ARID5B: variants seen among roughly 807,000 people sequenced by gnomAD.
The protein encoded by ARID5B is AT-rich interaction domain 5B.
Under a neutral mutation model 97.2 loss-of-function variants are expected in ARID5B, and 13 were observed. That is an observed-to-expected ratio of 0.13 (90% confidence interval 0.09 to 0.21). The LOEUF (loss-of-function observed/expected upper bound fraction) is 0.21, where lower values mean the gene tolerates loss of function less well. ARID5B is among the 10% of genes least tolerant of loss of function. ARID5B has a pLI of 1.00. For synonymous variants in ARID5B, 556 were observed against 570.3 expected (o/e 0.97, Z 0.36); for missense variants, 1,210 against 1,465.3 (o/e 0.83, Z 2.84).
intron 3 of ARID5B, among the ~76,000 whole-genome samples, chr10:61,952,187 C>A (rs1838332682): frequency 6.6e-6 from 1 of 152,152 alleles, no homozygotes; most frequent in South Asian, 2.1e-4. Context: ...TGTACTCAGT[C>A]CCCTGCCTTC....
intron 3 of ARID5B, among the ~76,000 whole-genome samples, chr10:61,951,466 A>G (rs1244799342): frequency 6.6e-6 from 1 of 152,200 alleles, no homozygotes; most frequent in Admixed American, 6.5e-5. Flanking sequence ...TTCTGACCTT[A>G]AATATTGGCA....
chr10:61,998,926 C>A (rs190331057), intron 3 of ARID5B, among the ~76,000 whole-genome samples: 104 of 152,314 alleles, frequency 6.8e-4, no homozygotes, highest in African/African-American at 2.4e-3. Context: ...TTTGGATCAA[C>A]CAGGGGTTCT....
Position 61,958,764 on chromosome 10 carries a change from C to G in ARID5B, c.502+18356C>G, listed in dbSNP as rs143217087. 6.1e-3 allele frequency among the ~76,000 whole-genome samples: 924 copies of G among 152,272 alleles called. 6 individuals are homozygous for G. Among genetic ancestry groups the G allele is most frequent in the Non-Finnish European group, 9.9e-3 (673 of 68,010 alleles). On this transcript the variant is annotated intron_variant, in intron 3 of 9. Transcript: ENST00000279873. ...CCCTGTGCTTGATGTTAAATACTGACCTTTTTGTTGTCTCCGATAAGTGCA... is the reference window on the plus strand; with the variant it reads ...CCCTGTGCTTGATGTTAAATACTGAGCTTTTTGTTGTCTCCGATAAGTGCA...
chr10:62,025,439 T>C (rs1589263130), intron 4 of ARID5B: 1 of 152,206 alleles, frequency 6.6e-6, no homozygotes, highest in Non-Finnish European at 1.5e-5. Flanking sequence ...TCATTTCTAA[T>C]TGGCTTTCTG....
intron 7 of ARID5B, among the ~76,000 whole-genome samples, chr10:62,068,135 G>A (rs1840017502): frequency 6.6e-6 from 1 of 152,172 alleles, no homozygotes; most frequent in Admixed American, 6.5e-5. Flanking sequence ...TTTAAAGGTT[G>A]GAGGCAGATT....
At chr10:61,906,228 A>G (rs566060199) in intron 2 of ARID5B, among the ~76,000 whole-genome samples, 67 of 152,346 alleles carry the variant, frequency 4.4e-4, no homozygotes, top group Non-Finnish European at 8.7e-4. Context: ...CAATAAAAAA[A>G]AAACTTGTGT....
chr10:61,976,708 C>T (rs1838704063), intron 3 of ARID5B, among the ~76,000 whole-genome samples: 1 of 152,180 alleles, frequency 6.6e-6, no homozygotes, highest in South Asian at 2.1e-4. Flanking sequence ...GGAGCATCAA[C>T]ACCCAATAGA....
chr10:61,912,739 A>G, intron 2 of ARID5B, among the ~76,000 whole-genome samples: 1 of 150,448 alleles, frequency 6.6e-6, no homozygotes. Context: ...TTATCTCTGT[A>G]TACATTACAC....
chr10:62,067,368 C>T (rs142903307), intron 7 of ARID5B, among the ~76,000 whole-genome samples: 1 of 152,220 alleles, frequency 6.6e-6, no homozygotes, highest in Non-Finnish European at 1.5e-5. Context: ...TAGGCGTGAG[C>T]CACCATGCCC....
intron 2 of ARID5B, among the ~76,000 whole-genome samples, chr10:61,920,835 C>T (rs903604045): frequency 2.0e-5 from 3 of 152,104 alleles, no homozygotes; most frequent in African/African-American, 7.2e-5. Flanking sequence ...GCTTCTTTCT[C>T]TCTAGTTAGA....
intron 3 of ARID5B, among the ~76,000 whole-genome samples, chr10:61,988,684 A>G (rs1838879232): frequency 6.6e-6 from 1 of 152,162 alleles, no homozygotes; most frequent in Non-Finnish European, 1.5e-5. Flanking sequence ...TACACAGAAC[A>G]ACCTCATTTT....
At position 62,091,272 on chromosome 10, in the gene ARID5B, ACCG is replaced by A; in HGVS notation, c.1811_1813del (p.Pro604del). The A allele has an allele frequency of 1.9e-6, 3 of 1,614,148 alleles. No individual in the cohort carries two copies. Among genetic ancestry groups the A allele is most frequent in the Non-Finnish European group, 2.5e-6 (3 of 1,180,006 alleles). On this transcript the variant is annotated inframe_deletion, in exon 10 of 10. Transcript: ENST00000279873. The stretch of plus-strand genomic sequence containing the variant: ...TCCCCAGCTTCCCCACCACACAGCC[ACCG>A]CTGGCAAACCAGAATGAGACGGAGG...
chr10:62,072,107 G>C (rs188832698), intron 8 of ARID5B, among the ~76,000 whole-genome samples: 1 of 152,322 alleles, frequency 6.6e-6, no homozygotes, highest in Admixed American at 6.5e-5. Flanking sequence ...TGGAGAATGT[G>C]CCTCAGAGCT....
intron 2 of ARID5B, among the ~76,000 whole-genome samples, chr10:61,910,311 T>C (rs141013880): frequency 1.1e-3 from 171 of 152,358 alleles, no homozygotes; most frequent in African/African-American, 3.9e-3. Context: ...ATCCAGAATA[T>C]AATTGCTTGA....
At chr10:62,010,340 T>C (rs74159506) in intron 4 of ARID5B, among the ~76,000 whole-genome samples, 9,890 of 152,228 alleles carry the variant, frequency 0.065, 1,098 homozygotes, top group African/African-American at 0.22. Flanking sequence ...CAGTACTTTT[T>C]CAAAGATGTT....
chr10:62,011,622 C>T (rs544252663), intron 4 of ARID5B, among the ~76,000 whole-genome samples: 1 of 152,272 alleles, frequency 6.6e-6, no homozygotes, highest in East Asian at 1.9e-4. Context: ...CTCAGTCTTG[C>T]CATAAGAGGA....
intron 3 of ARID5B, among the ~76,000 whole-genome samples, chr10:61,973,523 C>T (rs987887022): frequency 3.9e-5 from 6 of 152,126 alleles, no homozygotes; most frequent in African/African-American, 9.7e-5. Context: ...ACATTTGTTG[C>T]TCCAGGTTCC....
intron 2 of ARID5B, among the ~76,000 whole-genome samples, chr10:61,910,925 C>T (rs1011083995): frequency 1.3e-5 from 2 of 152,178 alleles, no homozygotes; most frequent in African/African-American, 4.8e-5. Flanking sequence ...ATCAGGTTCA[C>T]AGTCACATCT....
intron 3 of ARID5B, among the ~76,000 whole-genome samples, chr10:61,989,557 C>T (rs1022313876): frequency 6.6e-6 from 1 of 152,108 alleles, no homozygotes; most frequent in African/African-American, 2.4e-5. Context: ...AGACATATTA[C>T]ATATGATTTG....
Sources: gnomAD v4.1 joint callset for allele counts (sites outside exome capture counted in the v4.1 genomes callset) on GRCh38, gnomAD v4.1.1 for gene constraint, MANE v1.5 for transcripts, NCBI Gene and HGNC (gene_info 2026-07-23, HGNC 2026-07-21) for gene names.